ARMH4: variants seen among roughly 807,000 people sequenced by gnomAD.
The protein encoded by ARMH4 is armadillo like helical domain containing 4, also known as armadillo-like helical domain-containing protein 4.
Under a neutral mutation model 61.9 loss-of-function variants are expected in ARMH4, and 49 were observed. That is an observed-to-expected ratio of 0.79 (90% CI 0.63 to 1.00). The LOEUF (loss-of-function observed/expected upper bound fraction) is 1.00, where lower values mean the gene tolerates loss of function less well. Ranked by LOEUF, ARMH4 falls within the 50% of genes least tolerant of loss-of-function variation. The pLI is 0.00. For missense variants in ARMH4, 934 were observed against 930.0 expected (o/e 1.00, Z -0.06); for synonymous variants, 368 against 341.5 (o/e 1.08, Z -0.85).
intron 5 of ARMH4, among the ~76,000 whole-genome samples, chr14:58,050,450 C>G (rs528436682): frequency 6.6e-6 from 1 of 152,300 alleles, no homozygotes; most frequent in East Asian, 1.9e-4. Flanking sequence ...CAGTGGCAAA[C>G]CAATCACCCA....
chr14:58,080,243 C>T (rs1053376678), intron 5 of ARMH4, among the ~76,000 whole-genome samples: 8 of 152,102 alleles, frequency 5.3e-5, no homozygotes, highest in African/African-American at 1.4e-4. Context: ...GATTCTCCTG[C>T]CTCAGCCTAC....
Position 58,117,779 on chromosome 14 carries a change from G to T in ARMH4, c.1831+13733C>A, listed in dbSNP as rs561072530. ...TGAGTATAACTTTTTTTTTTAAAGA[G>T]ACTAGGTCTCACCCTGTCACCCAAG... On this transcript the variant is annotated intron_variant, in intron 4 of 7. Transcript: ENST00000267485. 2.6e-4 allele frequency among the ~76,000 whole-genome samples: 39 copies of T among 151,248 alleles called. 1 individual carries two copies. Among genetic ancestry groups the T allele is most frequent in the African/African-American group, 9.2e-4 (38 of 41,218 alleles).
At chr14:58,131,424 A>G in intron 4 of ARMH4, 88 bp downstream of exon 4, 1 of 1,070,920 alleles carries the variant, frequency 9.3e-7, no homozygotes, top group Non-Finnish European at 1.4e-6. Context: ...CAGATTGAAT[A>G]TACTCCTACT....
chr14:58,012,053 G>GAA, intron 6 of ARMH4, 66 bp downstream of exon 6: 8 of 1,140,464 alleles, frequency 7.0e-6, no homozygotes, highest in Non-Finnish European at 1.0e-5. Flanking sequence ...CTACTCTGAA[G>GAA]ATCTTTTGCT....
intron 5 of ARMH4, among the ~76,000 whole-genome samples, chr14:58,047,064 ACT>A (rs2141193259): frequency 6.6e-6 from 1 of 151,966 alleles, no homozygotes; most frequent in Non-Finnish European, 1.5e-5. Flanking sequence ...ACTGGAAGAG[ACT>A]CTATTCCCCC....
intron 5 of ARMH4, among the ~76,000 whole-genome samples, chr14:58,051,942 C>T (rs1044637852): frequency 6.6e-6 from 1 of 152,180 alleles, no homozygotes; most frequent in Admixed American, 6.5e-5. Flanking sequence ...AAACCCTATT[C>T]TAAGCTTGAA....
At chr14:58,140,737 C>A (rs972315987) in intron 1 of ARMH4, among the ~76,000 whole-genome samples, 2 of 151,856 alleles carry the variant, frequency 1.3e-5, no homozygotes, top group Non-Finnish European at 2.9e-5. Flanking sequence ...CCCGTCTTGA[C>A]TAAAAATACA....
At chr14:58,090,909 A>C (rs1240028207) in intron 5 of ARMH4, among the ~76,000 whole-genome samples, 1 of 148,970 alleles carries the variant, frequency 6.7e-6, no homozygotes, top group East Asian at 2.0e-4. Flanking sequence ...AGAAAAGAAA[A>C]GAAAAAAAAG....
intron 5 of ARMH4, among the ~76,000 whole-genome samples, chr14:58,071,898 G>A (rs750891685): frequency 3.3e-5 from 5 of 152,240 alleles, no homozygotes; most frequent in Non-Finnish European, 5.9e-5. Context: ...CTGTGCGAAT[G>A]TCGGATGGAG....
chr14:58,043,477 G>C (rs1883803586), intron 5 of ARMH4, among the ~76,000 whole-genome samples: 1 of 152,138 alleles, frequency 6.6e-6, no homozygotes, highest in Admixed American at 6.6e-5. Flanking sequence ...AGCTATTTAT[G>C]ACAAAACCAC....
chr14:58,006,341 T>A (rs905928181), intron 6 of ARMH4, among the ~76,000 whole-genome samples: 3 of 152,238 alleles, frequency 2.0e-5, no homozygotes, highest in African/African-American at 7.2e-5. Context: ...AAATTTTTAA[T>A]ACAGCACAAA....
chr14:58,051,206 G>T (rs1884130691), intron 5 of ARMH4, among the ~76,000 whole-genome samples: 2 of 151,918 alleles, frequency 1.3e-5, no homozygotes, highest in South Asian at 4.2e-4. Context: ...GGTAAAAATG[G>T]TTTGAAGAGC....
At chr14:58,083,215 T>C (rs144038838) in intron 5 of ARMH4, among the ~76,000 whole-genome samples, 2 of 152,308 alleles carry the variant, frequency 1.3e-5, no homozygotes, top group East Asian at 3.9e-4. Flanking sequence ...ATAAGTCAAC[T>C]TTTTTCATTA....
chr14:58,006,185 G>A (rs910971866), intron 6 of ARMH4, among the ~76,000 whole-genome samples: 2 of 152,134 alleles, frequency 1.3e-5, no homozygotes, highest in African/African-American at 4.8e-5. Context: ...TGGGCTAACA[G>A]GGTATGTACT....
At chr14:58,134,417 T>C (rs917638520) in intron 2 of ARMH4, among the ~76,000 whole-genome samples, 2 of 152,232 alleles carry the variant, frequency 1.3e-5, no homozygotes, top group African/African-American at 2.4e-5. Flanking sequence ...TGCTTTCTCT[T>C]CAGATCATAT....
intron 1 of ARMH4, among the ~76,000 whole-genome samples, chr14:58,148,350 G>A (rs73293586): frequency 0.029 from 4,484 of 152,196 alleles, 221 homozygotes; most frequent in African/African-American, 0.1. Context: ...CAGCTCTCAG[G>A]CTCCCAAGTT....
intron 4 of ARMH4, among the ~76,000 whole-genome samples, chr14:58,117,929 A>T (rs1170774338): frequency 4.0e-5 from 2 of 50,502 alleles, no homozygotes; most frequent in Non-Finnish European, 1.4e-4. Context: ...CAGCTAATTA[A>T]AAAAAAAAAA....
chr14:58,061,770 T>C (rs571686226), intron 5 of ARMH4, among the ~76,000 whole-genome samples: 1 of 152,214 alleles, frequency 6.6e-6, no homozygotes, highest in African/African-American at 2.4e-5. Context: ...CACATTCTAC[T>C]TCAAGTAAAT....
At chr14:58,084,033 C>G (rs1273565184) in intron 5 of ARMH4, among the ~76,000 whole-genome samples, 1 of 152,000 alleles carries the variant, frequency 6.6e-6, no homozygotes, top group South Asian at 2.1e-4. Context: ...GTCACTAGAC[C>G]AAGGTTTTAA....
Sources: allele counts gnomAD v4.1 joint callset (sites outside exome capture counted in the v4.1 genomes callset), GRCh38; gene constraint gnomAD v4.1.1; transcripts MANE v1.5; gene names NCBI Gene and HGNC (gene_info 2026-07-23, HGNC 2026-07-21).